Variants in PPP2R1B observed in about 807,000 individuals in gnomAD.
The protein encoded by PPP2R1B is protein phosphatase 2 scaffold subunit Abeta, also known as serine/threonine-protein phosphatase 2A 65 kDa regulatory subunit A beta isoform.
In PPP2R1B, 58 loss-of-function variants were observed where a neutral mutation model predicts 72.7. The ratio of observed to expected loss-of-function variants is 0.80; its 90% CI spans 0.65 to 0.99. PPP2R1B has a LOEUF of 0.99. Ranked by LOEUF, PPP2R1B falls within the 50% of genes least tolerant of loss-of-function variation. PPP2R1B has a pLI of 0.00. For missense variants in PPP2R1B, 695 were observed against 733.6 expected (o/e 0.95, Z 0.61); for synonymous variants, 256 against 264.6 (o/e 0.97, Z 0.32).
chr11:111,696,225 T>C, the PPP2R1B span, among the ~76,000 whole-genome samples: 1 of 152,194 alleles, frequency 6.6e-6, no homozygotes, highest in Non-Finnish European at 1.5e-5. Flanking sequence ...CTAAATGCAA[T>C]GTGGAATCCC....
intron 14 of PPP2R1B, 129 bp downstream of exon 14, chr11:111,741,924 C>A (rs1944534938): frequency 1.1e-6 from 1 of 896,110 alleles, no homozygotes; most frequent in Admixed American, 1.8e-5. Context: ...ACCAGCATTC[C>A]AGGAACTTAC....
chr11:111,750,605 A>G (rs1273066152), intron 10 of PPP2R1B, among the ~76,000 whole-genome samples: 3 of 152,240 alleles, frequency 2.0e-5, no homozygotes, highest in African/African-American at 7.2e-5. Context: ...GACAATTACA[A>G]TACTCTGTAA....
intron 5 of PPP2R1B, 138 bp downstream of exon 5, chr11:111,759,666 A>T: frequency 1.1e-6 from 1 of 889,762 alleles, no homozygotes; most frequent in Non-Finnish European, 1.6e-6. Flanking sequence ...TAAGCATGTT[A>T]CACTTTAACC....
chr11:111,744,140 C>A (rs1944621590), intron 11 of PPP2R1B, among the ~76,000 whole-genome samples: 1 of 152,112 alleles, frequency 6.6e-6, no homozygotes, highest in Non-Finnish European at 1.5e-5. Context: ...TTAGGGTGGA[C>A]CCAGACTGCA....
At chr11:111,750,532 T>C (rs1187162954) in intron 10 of PPP2R1B, among the ~76,000 whole-genome samples, 6 of 152,092 alleles carry the variant, frequency 3.9e-5, no homozygotes, top group African/African-American at 1.4e-4. Context: ...TGGTAGGGAC[T>C]GGAAATAAAA....
the PPP2R1B span, chr11:111,703,444 G>C: frequency 6.2e-7 from 1 of 1,608,240 alleles, no homozygotes; most frequent in African/African-American, 1.3e-5. Context: ...CAGAGATTTC[G>C]GGGTTCTACT....
the PPP2R1B span, among the ~76,000 whole-genome samples, chr11:111,696,419 A>G: frequency 6.6e-6 from 1 of 152,232 alleles, no homozygotes; most frequent in Middle Eastern, 3.4e-3. Flanking sequence ...TACTGTTGCA[A>G]CTCTTCTATA....
chr11:111,752,211 C>A lies in PPP2R1B; in HGVS notation c.1286G>T (p.Trp429Leu), dbSNP rs1555048172. The A allele has an allele frequency of 6.2e-7, 1 of 1,614,092 alleles. No individual in the cohort carries two copies. The highest frequency in any genetic ancestry group is 8.5e-7 in the Non-Finnish European group (1 of 1,179,996). Residue 429 changes from tryptophan to leucine, a missense_variant, in exon 10 of 15, where the codon TGG becomes TTG. By Grantham distance (61) the Trp-to-Leu change is moderately conservative (BLOSUM62 -2). Transcript: ENST00000527614. ...CTCAATGATGGCCAGGCGGACCCTC[C>A]ATTTGGCATCTTCTGCCAGCTCCAC... is the stretch of plus-strand genomic sequence containing the variant. ...AIVELAEDAK[W>L]RVRLAIIEYM...
chr11:111,692,587 A>G, the PPP2R1B span, among the ~76,000 whole-genome samples: 1 of 152,102 alleles, frequency 6.6e-6, no homozygotes, highest in East Asian at 1.9e-4. Flanking sequence ...CGTGCTATAA[A>G]GTGTTTAGAT....
At chr11:111,753,360 G>T (rs1944982771) in intron 9 of PPP2R1B, 83 bp downstream of exon 9, 6 of 1,483,364 alleles carry the variant, frequency 4.0e-6, no homozygotes, top group Non-Finnish European at 5.5e-6. Context: ...CTTTTTGGGG[G>T]TTCTATTTTA....
the PPP2R1B span, among the ~76,000 whole-genome samples, chr11:111,706,296 ACT>A: frequency 9.2e-5 from 14 of 152,162 alleles, no homozygotes; most frequent in African/African-American, 2.9e-4. Flanking sequence ...CTTAGAGATG[ACT>A]CTGTTCTTGA....
chr11:111,741,591 C>G lies in PPP2R1B; in HGVS notation c.*5G>C. 6.2e-7 allele frequency: 1 copy of G among 1,613,442 alleles called. No individual in the cohort carries two copies. The highest frequency in any genetic ancestry group is 8.5e-7 in the Non-Finnish European group (1 of 1,179,888). ...TAGTAAAGGCCTTTTCCCTCCTGCT[C>G]CTCATTATGCCAATGCAAGAACTGG... is the stretch of plus-strand genomic sequence containing the variant. On this transcript the variant is annotated 3_prime_UTR_variant, in exon 15 of 15. Coordinates refer to ENST00000527614, the MANE Select transcript of PPP2R1B (RefSeq NM_002716.5).
the PPP2R1B span, among the ~76,000 whole-genome samples, chr11:111,702,483 G>C: frequency 6.6e-6 from 1 of 152,156 alleles, no homozygotes; most frequent in African/African-American, 2.4e-5. Context: ...TAGCTACTCA[G>C]GAAGCTGAGG....
intron 15 of PPP2R1B, among the ~76,000 whole-genome samples, chr11:111,731,964 C>T (rs1207170370): frequency 6.6e-6 from 1 of 152,126 alleles, no homozygotes; most frequent in African/African-American, 2.4e-5. Flanking sequence ...GACCAGTGGC[C>T]AGCTAGGCCC....
chr11:111,746,780 A>G (rs1269009254), intron 11 of PPP2R1B, among the ~76,000 whole-genome samples: 1 of 152,232 alleles, frequency 6.6e-6, no homozygotes. Context: ...TTTTAATTTT[A>G]TTTAAAAAGA....
chr11:111,725,353 G>GA (rs1267544133), downstream of PPP2R1B: 1 of 150,660 alleles, frequency 6.6e-6, no homozygotes, highest in Non-Finnish European at 1.5e-5. Context: ...AATATTCAAA[G>GA]AAAGAACCAC....
intron 11 of PPP2R1B, among the ~76,000 whole-genome samples, chr11:111,746,905 A>G (rs1446117762): frequency 6.6e-6 from 1 of 152,096 alleles, no homozygotes; most frequent in Non-Finnish European, 1.5e-5. Context: ...ATTTTCACAT[A>G]TTTTTTCACA....
chr11:111,711,261 G>C, the PPP2R1B span, among the ~76,000 whole-genome samples: 1 of 151,934 alleles, frequency 6.6e-6, no homozygotes, highest in Admixed American at 6.6e-5. Flanking sequence ...TGGGACTACA[G>C]GCACCCGCCA....
At chr11:111,720,400 A>G in the PPP2R1B span, 38 of 1,411,670 alleles carry the variant, frequency 2.7e-5, no homozygotes, top group Admixed American at 5.6e-4. Context: ...TCAAAACTCA[A>G]GCTGGTTATG....
Sources: gnomAD v4.1 joint callset for allele counts (sites outside exome capture counted in the v4.1 genomes callset) on GRCh38, gnomAD v4.1.1 for gene constraint, MANE v1.5 for transcripts, NCBI Gene and HGNC (gene_info 2026-07-23, HGNC 2026-07-21) for gene names.